The following BMPR2 variants were observed in gnomAD, a reference collection of about 807,000 sequenced individuals.
BMPR2 encodes the protein bone morphogenetic protein receptor type 2, also known as bone morphogenetic protein receptor type-2.
Under a neutral mutation model 100.8 loss-of-function variants are expected in BMPR2, and 29 were observed. The observed-to-expected ratio is 0.29, with a 90% CI of 0.21 to 0.39. The LOEUF (loss-of-function observed/expected upper bound fraction) is 0.39. BMPR2 is among the 10% of genes least tolerant of loss of function. The probability of loss-of-function intolerance (pLI) is 1.00; values close to 1 mark genes in which losing one functional copy is unlikely to be tolerated. For synonymous variants in BMPR2, 382 were observed against 442.3 expected (o/e 0.86, Z 1.71); for missense variants, 1,011 against 1,274.5 (o/e 0.79, Z 3.15).
At chr2:202,399,350 G>A (rs920399007) in intron 1 of BMPR2, among the ~76,000 whole-genome samples, 1 of 152,142 alleles carries the variant, frequency 6.6e-6, no homozygotes, top group Non-Finnish European at 1.5e-5. Flanking sequence ...TAGAAGAACA[G>A]AAAGTGTAAA....
In BMPR2 at chr2:202,377,256, A is replaced by AT. The variant is rs1553584248; in HGVS notation, c.-219_-218insT. 2.3e-5 allele frequency: 14 copies of AT among 621,852 alleles called. No individual in the cohort carries two copies. The highest frequency in any genetic ancestry group is 3.5e-5 in the Non-Finnish European group (12 of 343,620). The allele number at this position is 621,852 out of a possible 1,614,324, so 38.5% of individuals were successfully genotyped here. On this transcript the variant is annotated 5_prime_UTR_variant, in exon 1 of 13. An upstream open reading frame in the 5' UTR loses its in-frame stop. Transcript: ENST00000374580. Reference sequence around the variant, plus strand: ...GCGGCACCCCGTCCGAGGCGAAGGAACCCCCCCAGCCGCGAGGGAGAGAAA... The same window carrying AT: ...GCGGCACCCCGTCCGAGGCGAAGGAATCCCCCCCAGCCGCGAGGGAGAGAAA...
At chr2:202,427,076 C>T (rs1691400489) in intron 1 of BMPR2, among the ~76,000 whole-genome samples, 1 of 152,034 alleles carries the variant, frequency 6.6e-6, no homozygotes, top group Admixed American at 6.6e-5. Flanking sequence ...GCGGGCTTGG[C>T]GAGGTGTTTC....
chr2:202,393,882 CGAGAGAGAGAGAGAGAGAGA>C (rs56708616), intron 1 of BMPR2, among the ~76,000 whole-genome samples: 11,534 of 98,020 alleles, frequency 0.12, 587 homozygotes, highest in South Asian at 0.32. Context: ...AATGAGAGAG[CGAGAGAGAGAGAGAGAGAGA>C]GAGAGAGAGA....
intron 3 of BMPR2, among the ~76,000 whole-genome samples, chr2:202,476,025 G>GATTGCAGC (rs1559049999): frequency 1.5e-5 from 2 of 136,318 alleles, no homozygotes; most frequent in African/African-American, 5.4e-5. Flanking sequence ...AGTGAGCCAA[G>GATTGCAGC]ATTGCAGCAT....
At chr2:202,430,306 A>G (rs1025457431) in intron 1 of BMPR2, among the ~76,000 whole-genome samples, 6 of 152,186 alleles carry the variant, frequency 3.9e-5, no homozygotes, top group African/African-American at 1.4e-4. Flanking sequence ...AGTATGCAGT[A>G]TTTGTTGAAA....
intron 1 of BMPR2, among the ~76,000 whole-genome samples, chr2:202,458,411 A>G (rs1403132676): frequency 6.6e-6 from 1 of 151,848 alleles, no homozygotes. Context: ...CGGAGGTTGC[A>G]GTGAGCCAAG....
chr2:202,442,866 C>T (rs2105940695), intron 1 of BMPR2, among the ~76,000 whole-genome samples: 1 of 150,650 alleles, frequency 6.6e-6, no homozygotes, highest in South Asian at 2.1e-4. Flanking sequence ...TAAGTTGCTT[C>T]CACCTCTTGC....
intron 1 of BMPR2, among the ~76,000 whole-genome samples, chr2:202,456,160 TTTTG>T (rs982796874): frequency 1.4e-4 from 21 of 151,230 alleles, no homozygotes; most frequent in Non-Finnish European, 2.7e-4. Flanking sequence ...CACTATGTTT[TTTTG>T]TTTGTTTGTT....
In BMPR2 at chr2:202,376,883, C is replaced by G; in HGVS notation, c.-592C>G. 2.4e-6 allele frequency: 1 copy of G among 410,202 alleles called. No individual in the cohort carries two copies. Among genetic ancestry groups the G allele is most frequent in the Non-Finnish European group, 4.3e-6 (1 of 233,800 alleles). 25.4% of individuals were successfully genotyped at this position (410,202 alleles called of 1,614,324 possible). A position where few individuals can be genotyped will look rare whatever the true frequency, so the allele number is the denominator to read the frequency against. On this transcript the variant is annotated 5_prime_UTR_variant, in exon 1 of 13. Transcript: ENST00000374580. ...TGAGCTTGTCCATGGAGGCAGGCACCTTTTTTGATCCAGTCAAGGAAGAGG... is the reference window on the plus strand; with the variant it reads ...TGAGCTTGTCCATGGAGGCAGGCACGTTTTTTGATCCAGTCAAGGAAGAGG...
In BMPR2 at chr2:202,389,766, C is replaced by T. The variant is rs549317620; in HGVS notation, c.76+12216C>T. Among the ~76,000 whole-genome samples the T allele has an allele frequency of 2.8e-4, 42 of 151,536 alleles. 2 individuals are homozygous for T. Among genetic ancestry groups the T allele is most frequent in the Admixed American group, 9.9e-4 (15 of 15,228 alleles). On this transcript the variant is annotated intron_variant, in intron 1 of 12. Coordinates refer to ENST00000374580, the MANE Select transcript of BMPR2 (RefSeq NM_001204.7). ...AAGTGATTCTCCTGCCTCAGCCTCCCGAGTAGCTGGGATTACAGTCATGTG... is the reference window on the plus strand; with the variant it reads ...AAGTGATTCTCCTGCCTCAGCCTCCTGAGTAGCTGGGATTACAGTCATGTG...
intron 1 of BMPR2, among the ~76,000 whole-genome samples, chr2:202,388,396 C>CAA (rs71406975): frequency 0.034 from 1,232 of 36,618 alleles, 165 homozygotes; most frequent in East Asian, 0.086. Flanking sequence ...GACTCCATCT[C>CAA]AAAAAAAAAA....
chr2:202,435,577 CTAAG>C (rs1255725343), intron 1 of BMPR2, among the ~76,000 whole-genome samples: 2 of 149,536 alleles, frequency 1.3e-5, no homozygotes, highest in African/African-American at 5.1e-5. Flanking sequence ...GTAATGTTGT[CTAAG>C]TATAGTGTTT....
At chr2:202,421,310 GA>G (rs35984037) in intron 1 of BMPR2, among the ~76,000 whole-genome samples, 16,497 of 94,826 alleles carry the variant, frequency 0.17, 905 homozygotes, top group Non-Finnish European at 0.21. Flanking sequence ...TCTCCAAAAG[GA>G]AAAAAAAAAA....
chr2:202,452,161 T>C (rs564486032), intron 1 of BMPR2, among the ~76,000 whole-genome samples: 1 of 152,274 alleles, frequency 6.6e-6, no homozygotes, highest in South Asian at 2.1e-4. Context: ...CCCTTTGTAT[T>C]CTGTTTGCCC....
At chr2:202,540,190 A>G (rs1446856460) in intron 9 of BMPR2, among the ~76,000 whole-genome samples, 1 of 152,162 alleles carries the variant, frequency 6.6e-6, no homozygotes, top group Admixed American at 6.5e-5. Flanking sequence ...ATTTTTTAAA[A>G]GAGTGAAATT....
intron 1 of BMPR2, among the ~76,000 whole-genome samples, chr2:202,441,213 T>C (rs1414131609): frequency 6.7e-6 from 1 of 150,026 alleles, no homozygotes; most frequent in Non-Finnish European, 1.5e-5. Context: ...ACTCCTGAGC[T>C]CAGGCAATCC....
At position 202,556,506 on chromosome 2, in the gene BMPR2, T is replaced by A; in HGVS notation, c.2841T>A (p.Asn947Lys). 1 of 1,613,636 alleles carries A rather than the reference T, an allele frequency of 6.2e-7. No individual in the cohort carries two copies. Among genetic ancestry groups the A allele is most frequent in the South Asian group, 1.1e-5 (1 of 91,086 alleles). Residue 947 changes from asparagine to lysine, a missense_variant, in exon 12 of 13, where the codon AAT (asparagine) becomes AAA (lysine). Transcript: ENST00000374580. The stretch of plus-strand genomic sequence containing the variant: ...ATTCTCTGGATCTTTCAGCCACAAA[T>A]GTCCTGGATGGCAGCAGTATACAGA... ...RPNSLDLSAT[N>K]VLDGSSIQIG...
In BMPR2 at chr2:202,440,459, A is replaced by G. The variant is rs528712706; in HGVS notation, c.77-24350A>G. ...CTTCCTAGACGGGATGGCTGCCGGG[A>G]AGAGGCGCTCCTCACTTCCCAGACT... On this transcript the variant is annotated intron_variant, in intron 1 of 12. Transcript: ENST00000374580. 2.5e-3 allele frequency among the ~76,000 whole-genome samples: 353 copies of G among 144,050 alleles called. 24 individuals are homozygous for G. The highest frequency in any genetic ancestry group is 9.1e-3 in the African/African-American group (332 of 36,378). 94.5% of individuals were successfully genotyped at this position (144,050 alleles called of 152,430 possible).
At chr2:202,454,825 A>G (rs1307259604) in intron 1 of BMPR2, among the ~76,000 whole-genome samples, 1 of 152,220 alleles carries the variant, frequency 6.6e-6, no homozygotes, top group Non-Finnish European at 1.5e-5. Flanking sequence ...CCACAACAAA[A>G]TACAATAGAC....
Sources: gnomAD v4.1 joint callset for allele counts (sites outside exome capture counted in the v4.1 genomes callset) on GRCh38, gnomAD v4.1.1 for gene constraint, MANE v1.5 for transcripts, NCBI Gene and HGNC (gene_info 2026-07-23, HGNC 2026-07-21) for gene names.